Variants in RSRC1 observed in about 807,000 individuals in gnomAD.
RSRC1 encodes the protein arginine and serine rich coiled-coil 1, also known as serine/Arginine-related protein 53.
A neutral mutation model predicts 49.1 loss-of-function variants in RSRC1; 39 were observed. That is an observed-to-expected ratio of 0.79 (90% CI 0.61 to 1.04). The LOEUF (loss-of-function observed/expected upper bound fraction) is 1.04, where lower values mean the gene tolerates loss of function less well. Ranked by LOEUF, RSRC1 falls within the 50% of genes least tolerant of loss-of-function variation. The probability of loss-of-function intolerance (pLI) is 0.00; values close to 1 mark genes in which losing one functional copy is unlikely to be tolerated. For missense variants in RSRC1, 388 were observed against 402.4 expected (o/e 0.96, Z 0.31); for synonymous variants, 143 against 130.8 (o/e 1.09, Z -0.63).
At position 158,217,970 on chromosome 3, in the gene RSRC1, C is replaced by T. The variant is rs142344368; in HGVS notation, c.494+14725C>T. ...GGAAGGAGCAGGGAGAAGAAAATTA[C>T]AGAGAGAGGAAACATCATCAACAAA... On this transcript the variant is annotated intron_variant, in intron 4 of 9. Coordinates refer to ENST00000611884, the MANE Select transcript of RSRC1 (RefSeq NM_001271838.2). Among the ~76,000 whole-genome samples the T allele has an allele frequency of 2.6e-5, 4 of 151,328 alleles. No homozygotes were observed. The East Asian group carries it at 7.8e-4, about 30-fold the overall frequency.
At chr3:158,429,473 G>A (rs1735652882) in intron 6 of RSRC1, among the ~76,000 whole-genome samples, 1 of 139,592 alleles carries the variant, frequency 7.2e-6, no homozygotes, top group South Asian at 2.5e-4. Flanking sequence ...TATAGTCTAT[G>A]AAAAGTAATT....
At chr3:158,171,846 G>T (rs941228633) in intron 3 of RSRC1, among the ~76,000 whole-genome samples, 1 of 152,016 alleles carries the variant, frequency 6.6e-6, no homozygotes, top group Non-Finnish European at 1.5e-5. Context: ...AGCTACCCAA[G>T]AGGCTGAGGT....
chr3:158,331,324 T>G (rs1729533979), intron 5 of RSRC1, among the ~76,000 whole-genome samples: 1 of 152,262 alleles, frequency 6.6e-6, no homozygotes, highest in African/African-American at 2.4e-5. Context: ...TAGTCTTTTG[T>G]GCGTGTGAGT....
chr3:158,219,851 G>A (rs139362808), intron 4 of RSRC1, among the ~76,000 whole-genome samples: 152 of 151,746 alleles, frequency 1.0e-3, no homozygotes, highest in African/African-American at 3.4e-3. Context: ...GAATGATAAT[G>A]TGGAGACACT....
chr3:158,364,307 C>T (rs760793016), intron 6 of RSRC1, among the ~76,000 whole-genome samples: 9 of 152,058 alleles, frequency 5.9e-5, no homozygotes, highest in Non-Finnish European at 1.0e-4. Context: ...TCTATGGCTC[C>T]GAGAAATAGT....
intron 6 of RSRC1, among the ~76,000 whole-genome samples, chr3:158,373,914 A>G (rs1732216328): frequency 6.6e-6 from 1 of 152,078 alleles, no homozygotes; most frequent in Non-Finnish European, 1.5e-5. Context: ...GCTCACAGAA[A>G]ATGGAGAATG....
intron 3 of RSRC1, among the ~76,000 whole-genome samples, chr3:158,202,537 T>A (rs864877): frequency 0.35 from 44,799 of 127,220 alleles, 8,721 homozygotes; most frequent in East Asian, 0.6. Flanking sequence ...TTAAAAATTA[T>A]CTGTAGGGTT....
At chr3:158,299,162 C>G (rs1425963773) in intron 5 of RSRC1, among the ~76,000 whole-genome samples, 1 of 151,858 alleles carries the variant, frequency 6.6e-6, no homozygotes, top group African/African-American at 2.4e-5. Context: ...TTTCCTGAAC[C>G]ACTGTTTATA....
chr3:158,331,667 C>A (rs1729553532), intron 5 of RSRC1, among the ~76,000 whole-genome samples: 1 of 151,922 alleles, frequency 6.6e-6, no homozygotes, highest in African/African-American at 2.4e-5. Flanking sequence ...GATTAAGTAT[C>A]AGTATTTCAT....
chr3:158,154,034 C>T (rs1717704669), intron 3 of RSRC1, among the ~76,000 whole-genome samples: 2 of 152,062 alleles, frequency 1.3e-5, no homozygotes, highest in African/African-American at 4.8e-5. Flanking sequence ...ACAGCTATAC[C>T]TCAGAGATAT....
chr3:158,212,546 T>C (rs2108289849), intron 4 of RSRC1, among the ~76,000 whole-genome samples: 1 of 152,098 alleles, frequency 6.6e-6, no homozygotes, highest in East Asian at 1.9e-4. Flanking sequence ...ATGCCTAGTC[T>C]AATTTATTTC....
intron 6 of RSRC1, among the ~76,000 whole-genome samples, chr3:158,392,511 AGACT>A (rs1216810291): frequency 2.0e-5 from 3 of 152,060 alleles, no homozygotes; most frequent in Non-Finnish European, 4.4e-5. Flanking sequence ...ATTTTTTCCA[AGACT>A]GACACAGAAT....
chr3:158,276,443 C>G, intron 4 of RSRC1: 1 of 694,754 alleles, frequency 1.4e-6, no homozygotes, highest in Non-Finnish European at 2.6e-6. Flanking sequence ...TGATGGCTGC[C>G]GCCAGACAGA....
At chr3:158,531,930 TA>T (rs1401254248) in intron 7 of RSRC1, among the ~76,000 whole-genome samples, 150 of 152,000 alleles carry the variant, frequency 9.9e-4, no homozygotes, top group Non-Finnish European at 1.6e-4. Context: ...CATACAAACA[TA>T]TTGTTGTTTG....
At chr3:158,138,381 T>C (rs1716536605) in intron 3 of RSRC1, among the ~76,000 whole-genome samples, 1 of 152,194 alleles carries the variant, frequency 6.6e-6, no homozygotes, top group Non-Finnish European at 1.5e-5. Context: ...GTTGAGGTGA[T>C]TTTGTTTTGG....
Position 158,190,076 on chromosome 3 carries a change from C to CA in RSRC1, c.321-12988dup, listed in dbSNP as rs528681197. On this transcript the variant is annotated intron_variant, in intron 3 of 9. Transcript: ENST00000611884. ...ACACTTTTTTCCCTCTTGAACTTCT[C>CA]AAAAAAAATTAAAGCCATTGTTTTG... Among the ~76,000 whole-genome samples the CA allele has an allele frequency of 4.6e-5, 7 of 151,446 alleles. No individual in the cohort carries two copies. In the East Asian group the frequency reaches 7.8e-4, roughly 17 times the overall value.
intron 5 of RSRC1, among the ~76,000 whole-genome samples, chr3:158,336,236 T>A (rs1729880192): frequency 6.6e-6 from 1 of 152,230 alleles, no homozygotes; most frequent in Non-Finnish European, 1.5e-5. Flanking sequence ...CAGAGGCCTC[T>A]CCATTCATTG....
At chr3:158,481,330 G>A (rs74977589) in intron 7 of RSRC1, among the ~76,000 whole-genome samples, 1,835 of 152,124 alleles carry the variant, frequency 0.012, 34 homozygotes, top group African/African-American at 0.042. Context: ...TGTTCTGTTC[G>A]CATAGCTAAA....
chr3:158,440,781 T>G (rs1479367218), intron 6 of RSRC1, among the ~76,000 whole-genome samples: 3 of 151,940 alleles, frequency 2.0e-5, no homozygotes, highest in Non-Finnish European at 4.4e-5. Context: ...CCATCTCTAA[T>G]AAATATACAA....
Sources: gnomAD v4.1 joint callset for allele counts (sites outside exome capture counted in the v4.1 genomes callset) on GRCh38, gnomAD v4.1.1 for gene constraint, MANE v1.5 for transcripts, NCBI Gene and HGNC (gene_info 2026-07-23, HGNC 2026-07-21) for gene names.